Variants in DOCK2 observed in about 807,000 individuals in gnomAD.
DOCK2 encodes the protein dedicator of cytokinesis 2, also known as dedicator of cytokinesis protein 2.
A neutral mutation model predicts 248.9 loss-of-function variants in DOCK2; 87 were observed. That is an observed-to-expected ratio of 0.35 (90% CI 0.29 to 0.42). DOCK2 has a LOEUF of 0.42. Among genes scored for constraint, DOCK2 ranks in the 10% least tolerant of loss-of-function variants. The pLI is 1.00. For missense variants in DOCK2, 1,747 were observed against 2,300.2 expected (o/e 0.76, Z 4.92); for synonymous variants, 805 against 821.6 (o/e 0.98, Z 0.35).
chr5:169,927,426 C>T (rs1419387502), intron 27 of DOCK2, among the ~76,000 whole-genome samples: 3 of 152,094 alleles, frequency 2.0e-5, no homozygotes, highest in Non-Finnish European at 4.4e-5. Flanking sequence ...CATGTGGTGC[C>T]GATGCTACTG....
chr5:169,752,540 AC>A (rs751104484), intron 23 of DOCK2, among the ~76,000 whole-genome samples: 2 of 150,374 alleles, frequency 1.3e-5, no homozygotes, highest in African/African-American at 2.5e-5. Flanking sequence ...GGAGTTCAAG[AC>A]CAGGCTGGGG....
At chr5:169,977,921 C>T (rs1052419900) in intron 27 of DOCK2, among the ~76,000 whole-genome samples, 1 of 152,228 alleles carries the variant, frequency 6.6e-6, no homozygotes, top group East Asian at 1.9e-4. Flanking sequence ...AGAATAAAAT[C>T]TGTTACATAA....
At chr5:169,859,447 G>A (rs550930667) in intron 27 of DOCK2, among the ~76,000 whole-genome samples, 155 of 152,310 alleles carry the variant, frequency 1.0e-3, no homozygotes, top group African/African-American at 3.5e-3. Context: ...TTTGTCCCCC[G>A]CACTTTTTCT....
intron 27 of DOCK2, among the ~76,000 whole-genome samples, chr5:169,870,822 G>A (rs1486011673): frequency 6.6e-6 from 1 of 152,160 alleles, no homozygotes; most frequent in Admixed American, 6.5e-5. Context: ...AAGTCATACT[G>A]TAAGTTACAA....
intron 27 of DOCK2, among the ~76,000 whole-genome samples, chr5:169,936,247 A>G (rs900655970): frequency 9.2e-5 from 14 of 152,364 alleles, no homozygotes; most frequent in Admixed American, 2.6e-4. Flanking sequence ...ACTTCCGTGC[A>G]TGGTTCTACA....
chr5:169,689,355 G>A lies in DOCK2; in HGVS notation c.843+22G>A, dbSNP rs192049642. 46 of 1,612,868 alleles carry A rather than the reference G, an allele frequency of 2.9e-5. No homozygotes were observed. In the East Asian group the frequency reaches 4.5e-4, roughly 16 times the overall value. ...CACGGTGAGTGTGCACCCTCTTCTC[G>A]TTACCGTGCTCCCCAACCACAAAAA... On this transcript the variant is annotated intron_variant, in intron 9 of 51. Transcript: ENST00000520908.
intron 42 of DOCK2, chr5:170,056,338 C>T (rs2113857880): frequency 5.0e-6 from 1 of 198,556 alleles, no homozygotes; most frequent in Non-Finnish European, 1.0e-5. Flanking sequence ...TTTGAGGACA[C>T]CTCTGGGAAA....
intron 13 of DOCK2, among the ~76,000 whole-genome samples, chr5:169,701,199 C>T (rs1363748437): frequency 1.3e-5 from 2 of 152,218 alleles, no homozygotes; most frequent in Non-Finnish European, 2.9e-5. Flanking sequence ...CTTTGGAATA[C>T]TGATTCTATT....
chr5:170,065,882 C>A (rs1194091392), intron 44 of DOCK2, among the ~76,000 whole-genome samples: 1 of 152,002 alleles, frequency 6.6e-6, no homozygotes, highest in Non-Finnish European at 1.5e-5. Flanking sequence ...AAGAGACTTA[C>A]CTCACCTTTA....
chr5:169,647,249 T>C (rs75719203), intron 1 of DOCK2, among the ~76,000 whole-genome samples: 8,048 of 152,100 alleles, frequency 0.053, 243 homozygotes, highest in South Asian at 0.1. Context: ...GGCTGCTGAT[T>C]GGATGGATGA....
rs561184904 is a variant in DOCK2 at position 169,760,942 on chromosome 5, C to G, written c.2448-577C>G. 1.8e-3 allele frequency among the ~76,000 whole-genome samples: 271 copies of G among 152,300 alleles called. 1 individual carries two copies. Among genetic ancestry groups the G allele is most frequent in the Middle Eastern group, 0.017 (5 of 294 alleles). ...GTTTCAGGGTATTTTGATTCTCACC[C>G]TATTTGGGAAGAGCTATCTCCCTTT... On this transcript the variant is annotated intron_variant, in intron 24 of 51. Coordinates refer to ENST00000520908, the MANE Select transcript of DOCK2 (RefSeq NM_004946.3).
At chr5:169,885,212 A>G (rs921769425) in intron 27 of DOCK2, among the ~76,000 whole-genome samples, 2 of 152,282 alleles carry the variant, frequency 1.3e-5, no homozygotes, top group Non-Finnish European at 1.5e-5. Flanking sequence ...TTAAATAAGC[A>G]TTTGTGTATG....
Position 169,840,850 on chromosome 5 carries a change from A to G in DOCK2, c.2797A>G (p.Ile933Val). The change falls in exon 27 of 52, where the codon ATT becomes GTT. Residue 933 changes from isoleucine to valine, a missense_variant and splice_region_variant. Coordinates refer to ENST00000520908, the MANE Select transcript of DOCK2 (RefSeq NM_004946.3). ...CACCATGGGCCGGGATCACATTCTG[A>G]TTGTGAGTGGATTATTTCTTCTTGT... is the stretch of plus-strand genomic sequence containing the variant. ...VITMGRDHIL[I>V]SHFVACMTAI... The G allele has an allele frequency of 1.2e-6, 2 of 1,613,678 alleles. No homozygotes were observed. The highest frequency in any genetic ancestry group is 1.7e-6 in the Non-Finnish European group (2 of 1,179,872).
rs59287791 is a variant in DOCK2 at position 169,912,621 on chromosome 5, A to ATGTGTG, written c.2800-70432_2800-70427dup. Among the ~76,000 whole-genome samples the ATGTGTG allele has an allele frequency of 5.5e-3, 830 of 150,532 alleles. 4 individuals carry two copies. Among genetic ancestry groups the ATGTGTG allele is most frequent in the Non-Finnish European group, 6.9e-3 (464 of 67,558 alleles). ...TGTGCCACTGTGTGTGGTGGAGTGT[A>ATGTGTG]TGTGTGTGTGTGTGTGTGTGAGATG... On this transcript the variant is annotated intron_variant, in intron 27 of 51. Coordinates refer to ENST00000520908, the MANE Select transcript of DOCK2 (RefSeq NM_004946.3).
At chr5:169,663,254 G>A (rs1295588722) in intron 2 of DOCK2, among the ~76,000 whole-genome samples, 1 of 152,236 alleles carries the variant, frequency 6.6e-6, no homozygotes, top group East Asian at 1.9e-4. Flanking sequence ...GCCTTGGGCA[G>A]CTCTCCCTCT....
At chr5:170,014,405 T>C (rs145830987) in intron 32 of DOCK2, among the ~76,000 whole-genome samples, 23 of 152,278 alleles carry the variant, frequency 1.5e-4, no homozygotes, top group African/African-American at 5.3e-4. Context: ...ATTTTAACAA[T>C]ACATTTAACA....
chr5:169,975,011 T>C (rs117720451), intron 27 of DOCK2, among the ~76,000 whole-genome samples: 47 of 152,162 alleles, frequency 3.1e-4, no homozygotes, highest in East Asian at 2.7e-3. Context: ...CCTCCAAAAG[T>C]AGGCTTCTGT....
chr5:169,997,913 T>C, intron 30 of DOCK2: 1 of 456,368 alleles, frequency 2.2e-6, no homozygotes, highest in Non-Finnish European at 4.4e-6. Context: ...AGGCCTGGAC[T>C]GTATCCGTGC....
At chr5:169,882,569 G>A (rs766441724) in intron 27 of DOCK2, 3 of 1,546,554 alleles carry the variant, frequency 1.9e-6, no homozygotes, top group Non-Finnish European at 2.6e-6. Flanking sequence ...GTGAGAGCTC[G>A]AGCTTTCTCC....
Sources: allele counts gnomAD v4.1 joint callset (sites outside exome capture counted in the v4.1 genomes callset), GRCh38; gene constraint gnomAD v4.1.1; transcripts MANE v1.5; gene names NCBI Gene and HGNC (gene_info 2026-07-23, HGNC 2026-07-21).